HMGN2: variants seen among roughly 807,000 people sequenced by gnomAD.
HMGN2 encodes the protein high mobility group nucleosomal binding domain 2.
HMGN2 carries 2 observed loss-of-function variants against 16.9 expected under a neutral mutation model. That is an observed-to-expected ratio of 0.12 (90% confidence interval 0.05 to 0.37). The LOEUF is 0.37. Among genes scored for constraint, HMGN2 ranks in the 10% least tolerant of loss-of-function variants. The probability of loss-of-function intolerance (pLI) is 1.00; values close to 1 mark genes in which losing one functional copy is unlikely to be tolerated. For synonymous variants in HMGN2, 31 were observed against 34.9 expected (o/e 0.89, Z 0.39); for missense variants, 90 against 106.0 (o/e 0.85, Z 0.66).
chr1:26,476,010 G>T lies in HMGN2; in HGVS notation c.*862G>T. On this transcript the variant is annotated 3_prime_UTR_variant, in exon 6 of 6. Coordinates refer to ENST00000361427, the MANE Select transcript of HMGN2 (RefSeq NM_005517.4). ...TCTTTTCCCACAAGTGGGGTAACCTGGTTTATCCAAGTCTCTTGGAACAGG... is the reference window on the plus strand; with the variant it reads ...TCTTTTCCCACAAGTGGGGTAACCTTGTTTATCCAAGTCTCTTGGAACAGG... 3.5e-6 allele frequency: 1 copy of T among 287,580 alleles called. No homozygotes were observed. The highest frequency in any genetic ancestry group is 6.8e-6 in the Non-Finnish European group (1 of 147,278). The allele number at this position is 287,580 out of a possible 1,614,324, so 17.8% of individuals were successfully genotyped here.
At position 26,475,267 on chromosome 1, in the gene HMGN2, C is replaced by G. The variant is rs1257887828; in HGVS notation, c.*119C>G. ...TTTACTTTTTTTTTTTTTTTAAAAG[C>G]TATGTTGTTAGCACACAGAACACTT... On this transcript the variant is annotated 3_prime_UTR_variant, in exon 6 of 6. Transcript: ENST00000361427. 3.0e-6 allele frequency: 2 copies of G among 659,910 alleles called. No individual in the cohort carries two copies. The highest frequency in any genetic ancestry group is 2.7e-5 in the East Asian group (1 of 36,658). 40.9% of individuals were successfully genotyped at this position (659,910 alleles called of 1,614,324 possible).
In HMGN2 at chr1:26,476,215, C is replaced by T. The variant is rs2075608198; in HGVS notation, c.*1067C>T. Among the ~76,000 whole-genome samples, 1 of 152,138 alleles carries T rather than the reference C, an allele frequency of 6.6e-6. No individual in the cohort carries two copies. The highest frequency in any genetic ancestry group is 2.4e-5 in the African/African-American group (1 of 41,436). ...TCTGTACTTGGTTATGCAGCATTCC[C>T]TGCAGTGTTTGTTTTTTGCATGACT... is the stretch of plus-strand genomic sequence containing the variant. On this transcript the variant is annotated 3_prime_UTR_variant, in exon 6 of 6. Transcript: ENST00000361427.
intron 1 of HMGN2, chr1:26,473,272 C>T (rs1242493858): frequency 6.9e-6 from 4 of 577,248 alleles, no homozygotes; most frequent in African/African-American, 3.8e-5. Flanking sequence ...CCCTCCCCGG[C>T]TGCGCTCCGG....
rs752997549 is a variant in HMGN2, at chr1:26,475,081, C to A, written c.238-32C>A. Reference sequence around the variant, plus strand: ...TGAACACAGATAGTTTTGAAATCTACGCATTGCATTAATTTGTCTGTTTTC... The same window carrying A: ...TGAACACAGATAGTTTTGAAATCTAAGCATTGCATTAATTTGTCTGTTTTC... On this transcript the variant is annotated intron_variant, in intron 5 of 5. Transcript: ENST00000361427. 6.3e-6 allele frequency: 10 copies of A among 1,584,206 alleles called. No individual in the cohort carries two copies. In the Admixed American group the frequency reaches 1.7e-4, roughly 27 times the overall value.
Sources: gnomAD v4.1 joint callset for allele counts (sites outside exome capture counted in the v4.1 genomes callset) on GRCh38, gnomAD v4.1.1 for gene constraint, MANE v1.5 for transcripts, NCBI Gene and HGNC (gene_info 2026-07-23, HGNC 2026-07-21) for gene names.